Variants in CPQ observed in about 807,000 individuals in gnomAD.
CPQ encodes Ser-Met dipeptidase.
CPQ carries 37 observed loss-of-function variants against 45.7 expected under a neutral mutation model. The observed-to-expected ratio is 0.81, with a 90% CI of 0.62 to 1.07. The LOEUF (loss-of-function observed/expected upper bound fraction) is 1.07, where lower values mean the gene tolerates loss of function less well. Ranked by LOEUF, CPQ falls within the 50% of genes least tolerant of loss-of-function variation. The pLI is 0.00. For synonymous variants in CPQ, 186 were observed against 205.8 expected (o/e 0.90, Z 0.82); for missense variants, 537 against 572.9 (o/e 0.94, Z 0.64).
chr8:96,977,697 A>G (rs965799296), intron 5 of CPQ, among the ~76,000 whole-genome samples: 3 of 152,226 alleles, frequency 2.0e-5, no homozygotes, highest in African/African-American at 7.2e-5. Flanking sequence ...ATTGCAGACC[A>G]TCATTCTAAA....
At position 97,066,200 on chromosome 8, in the gene CPQ, T is replaced by C. The variant is rs569126753; in HGVS notation, c.1245T>C (p.Ala415=). The change falls in exon 7 of 8, where the codon GCT becomes GCC. Residue 415 remains alanine, a synonymous_variant. Coordinates refer to ENST00000220763, the MANE Select transcript of CPQ (RefSeq NM_016134.4). ...CAGACATCAACTTTTGGATCCAAGC[T>C]GGAGTGCCTGGTAAGACCAAAAGAT... ...EGTDINFWIQ[A]GVPGASLLDD... 1 of 1,609,134 alleles carries C rather than the reference T, an allele frequency of 6.2e-7. No homozygotes were observed. Among genetic ancestry groups the C allele is most frequent in the South Asian group, 1.1e-5 (1 of 89,884 alleles).
At chr8:96,787,137 A>G (rs1347885243) in intron 2 of CPQ, among the ~76,000 whole-genome samples, 2 of 152,102 alleles carry the variant, frequency 1.3e-5, no homozygotes, top group African/African-American at 2.4e-5. Context: ...ACTGTAATGT[A>G]TCTAGGTATG....
chr8:96,987,377 C>T (rs1219804722), intron 5 of CPQ, among the ~76,000 whole-genome samples: 1 of 152,096 alleles, frequency 6.6e-6, no homozygotes, highest in East Asian at 1.9e-4. Context: ...AACCAATCTA[C>T]AGAGGCCCTT....
At chr8:97,097,546 C>T (rs569050840) in intron 7 of CPQ, among the ~76,000 whole-genome samples, 3 of 152,296 alleles carry the variant, frequency 2.0e-5, no homozygotes, top group Admixed American at 2.0e-4. Flanking sequence ...ACACAGAATT[C>T]AATGGCCTCT....
chr8:97,002,548 C>A (rs1809303802), intron 5 of CPQ, among the ~76,000 whole-genome samples: 1 of 152,118 alleles, frequency 6.6e-6, no homozygotes, highest in Non-Finnish European at 1.5e-5. Context: ...GCAAGTTATT[C>A]AATTTCCATG....
chr8:96,962,407 G>T lies in CPQ; in HGVS notation c.850-3528G>T, dbSNP rs116375898. 4.9e-3 allele frequency among the ~76,000 whole-genome samples: 753 copies of T among 152,316 alleles called. 5 individuals are homozygous for T. Among genetic ancestry groups the T allele is most frequent in the African/African-American group, 0.017 (724 of 41,574 alleles). ...GATGCAGAACACAAGGGGTAGATGGGCAGGTGCCCACTTCTCTGTTGATTC... is the reference window on the plus strand; with the variant it reads ...GATGCAGAACACAAGGGGTAGATGGTCAGGTGCCCACTTCTCTGTTGATTC... On this transcript the variant is annotated intron_variant, in intron 4 of 7. Transcript: ENST00000220763.
chr8:97,037,441 T>G (rs937261765), intron 6 of CPQ, among the ~76,000 whole-genome samples: 1 of 152,178 alleles, frequency 6.6e-6, no homozygotes, highest in African/African-American at 2.4e-5. Context: ...TCTTATATCT[T>G]TAATGTTCTG....
intron 4 of CPQ, among the ~76,000 whole-genome samples, chr8:96,895,968 C>T (rs1400263694): frequency 6.6e-6 from 1 of 152,134 alleles, no homozygotes; most frequent in Non-Finnish European, 1.5e-5. Flanking sequence ...GCTCTCTCTT[C>T]TCTTTTCCCT....
At chr8:97,009,803 T>A (rs1173273160) in intron 5 of CPQ, among the ~76,000 whole-genome samples, 1 of 152,116 alleles carries the variant, frequency 6.6e-6, no homozygotes, top group African/African-American at 2.4e-5. Context: ...GTGCATAGGG[T>A]ACAGTGGAAG....
At chr8:96,901,699 C>G (rs1812513397) in intron 4 of CPQ, among the ~76,000 whole-genome samples, 1 of 151,994 alleles carries the variant, frequency 6.6e-6, no homozygotes, top group South Asian at 2.1e-4. Flanking sequence ...GGAAATTATC[C>G]CAAGGAACAG....
At chr8:97,123,129 A>T (rs184472327) in intron 7 of CPQ, among the ~76,000 whole-genome samples, 8 of 98,036 alleles carry the variant, frequency 8.2e-5, no homozygotes, top group East Asian at 1.1e-3. Context: ...TAAAATAAAT[A>T]AAATAAAATA....
chr8:96,663,446 G>T (rs1808872980), intron 1 of CPQ, among the ~76,000 whole-genome samples: 3 of 152,222 alleles, frequency 2.0e-5, no homozygotes, highest in Admixed American at 2.0e-4. Flanking sequence ...TGATACTGTT[G>T]TATGCTCTTC....
At chr8:96,932,231 A>C (rs969766327) in intron 4 of CPQ, among the ~76,000 whole-genome samples, 4 of 152,158 alleles carry the variant, frequency 2.6e-5, no homozygotes, top group African/African-American at 9.7e-5. Flanking sequence ...AGTTTTACTC[A>C]GTATTTCCTG....
intron 1 of CPQ, among the ~76,000 whole-genome samples, chr8:96,652,302 A>G (rs1375695619): frequency 6.6e-6 from 1 of 152,216 alleles, no homozygotes; most frequent in East Asian, 1.9e-4. Context: ...AAATGACAGA[A>G]TTTCCTCATT....
intron 6 of CPQ, among the ~76,000 whole-genome samples, chr8:97,030,502 A>G (rs1586503518): frequency 6.6e-6 from 1 of 151,810 alleles, no homozygotes; most frequent in South Asian, 2.1e-4. Flanking sequence ...CCTATGCCCT[A>G]CTCTTTCACC....
chr8:96,732,528 T>C (rs1809924830), intron 1 of CPQ: 1 of 151,986 alleles, frequency 6.6e-6, no homozygotes, highest in African/African-American at 2.4e-5. Context: ...TGGTTGCTAC[T>C]GCACTTTAAT....
chr8:97,138,393 G>A (rs557584147), intron 7 of CPQ, among the ~76,000 whole-genome samples: 9 of 152,276 alleles, frequency 5.9e-5, no homozygotes, highest in Non-Finnish European at 8.8e-5. Flanking sequence ...AACGTGGGTT[G>A]GGCTTGGAGA....
chr8:97,120,544 G>A (rs1195528343), intron 7 of CPQ, among the ~76,000 whole-genome samples: 3 of 152,178 alleles, frequency 2.0e-5, no homozygotes, highest in Non-Finnish European at 4.4e-5. Context: ...ATTGCCACTA[G>A]TGCAGTTCCA....
intron 4 of CPQ, among the ~76,000 whole-genome samples, chr8:96,922,158 T>A (rs1812817775): frequency 6.6e-6 from 1 of 152,180 alleles, no homozygotes; most frequent in Admixed American, 6.6e-5. Flanking sequence ...AGTATGCAAC[T>A]TTAAGTTACT....
Sources: allele counts gnomAD v4.1 joint callset (sites outside exome capture counted in the v4.1 genomes callset), GRCh38; gene constraint gnomAD v4.1.1; transcripts MANE v1.5; gene names NCBI Gene and HGNC (gene_info 2026-07-23, HGNC 2026-07-21).